The following ULK4 variants were observed in gnomAD, a reference collection of about 807,000 sequenced individuals.
ULK4 encodes unc-51 like kinase 4.
ULK4 carries 133 observed loss-of-function variants against 160.6 expected under a neutral mutation model. The ratio of observed to expected loss-of-function variants is 0.83; its 90% CI spans 0.72 to 0.96. The LOEUF is 0.96. Ranked by LOEUF, ULK4 falls within the 40% of genes least tolerant of loss-of-function variation. ULK4 has a pLI of 0.00. For missense variants in ULK4, 1,580 were observed against 1,499.5 expected, an observed-to-expected ratio of 1.05 and a Z score of -0.89; for synonymous variants, 534 against 539.8, an observed-to-expected ratio of 0.99 and a Z score of 0.15.
At chr3:41,873,276 T>G (rs1336040709) in intron 17 of ULK4, among the ~76,000 whole-genome samples, 2 of 150,570 alleles carry the variant, frequency 1.3e-5, no homozygotes, top group Admixed American at 6.6e-5. Flanking sequence ...AGGATAGCCT[T>G]CCAAGGCTCT....
chr3:41,692,167 C>G (rs1026349897), intron 27 of ULK4, among the ~76,000 whole-genome samples: 2 of 151,128 alleles, frequency 1.3e-5, no homozygotes, highest in African/African-American at 4.8e-5. Flanking sequence ...TAGCCAGGAT[C>G]GTCTCGATCT....
At chr3:41,461,924 G>T (rs2083694621) in intron 33 of ULK4, among the ~76,000 whole-genome samples, 1 of 152,122 alleles carries the variant, frequency 6.6e-6, no homozygotes, top group Admixed American at 6.6e-5. Flanking sequence ...GAATGGAGAG[G>T]AAAAGATAGG....
In ULK4 at chr3:41,473,661, C is replaced by CAAAAAAAAAAA. The variant is rs1294599838; in HGVS notation, c.3227-10409_3227-10408insTTTTTTTTTTT. Among the ~76,000 whole-genome samples, 66 of 25,278 alleles carry CAAAAAAAAAAA rather than the reference C, an allele frequency of 2.6e-3. 4 individuals are homozygous for CAAAAAAAAAAA. Among genetic ancestry groups the CAAAAAAAAAAA allele is most frequent in the African/African-American group, 9.8e-3 (54 of 5,500 alleles). 16.6% of individuals were successfully genotyped at this position (25,278 alleles called of 152,430 possible). ...TGGGCAACAGAATGAGATTCTGTCT[C>CAAAAAAAAAAA]AAAGAAAAAAAAAAAAAAAAAAAGA... On this transcript the variant is annotated intron_variant, in intron 32 of 36. Coordinates refer to ENST00000301831, the MANE Select transcript of ULK4 (RefSeq NM_017886.4).
intron 22 of ULK4, among the ~76,000 whole-genome samples, chr3:41,748,066 C>A (rs1197363523): frequency 6.6e-6 from 1 of 151,624 alleles, no homozygotes; most frequent in Non-Finnish European, 1.5e-5. Context: ...TATAATTGTA[C>A]ATTTTATTTT....
At chr3:41,299,921 ATTC>A (rs1179600786) in intron 35 of ULK4, among the ~76,000 whole-genome samples, 1 of 152,164 alleles carries the variant, frequency 6.6e-6, no homozygotes, top group African/African-American at 2.4e-5. Context: ...CATCTAACAT[ATTC>A]TATATTTTGG....
Position 41,316,141 on chromosome 3 carries a change from A to G in ULK4, c.3679-66567T>C, listed in dbSNP as rs544085966. ...AGCAAAAGGGGGAAAAGCCCAAATGACCATCAACTGATAAATGAATAAACA... is the reference window on the plus strand; with the variant it reads ...AGCAAAAGGGGGAAAAGCCCAAATGGCCATCAACTGATAAATGAATAAACA... On this transcript the variant is annotated intron_variant, in intron 35 of 36. Transcript: ENST00000301831. Among the ~76,000 whole-genome samples, 9 of 152,364 alleles carry G rather than the reference A, an allele frequency of 5.9e-5. No individual in the cohort carries two copies. The South Asian group carries it at 1.9e-3, about 32-fold the overall frequency.
chr3:41,252,534 A>G (rs2078761129), intron 35 of ULK4, among the ~76,000 whole-genome samples: 1 of 151,950 alleles, frequency 6.6e-6, no homozygotes, highest in African/African-American at 2.4e-5. Flanking sequence ...CAGAATGGAG[A>G]CAATAAAAGG....
intron 21 of ULK4, among the ~76,000 whole-genome samples, chr3:41,758,789 C>T (rs1575659672): frequency 6.6e-6 from 1 of 151,478 alleles, no homozygotes; most frequent in Admixed American, 6.6e-5. Flanking sequence ...AGGAGAATGG[C>T]GTGAACCCGG....
intron 35 of ULK4, among the ~76,000 whole-genome samples, chr3:41,392,610 G>A (rs755057113): frequency 2.0e-5 from 3 of 152,040 alleles, no homozygotes; most frequent in African/African-American, 7.2e-5. Flanking sequence ...ACCCAGGCTC[G>A]CTCAGCTTTG....
At chr3:41,810,988 A>G (rs1331902335) in intron 19 of ULK4, among the ~76,000 whole-genome samples, 1 of 151,956 alleles carries the variant, frequency 6.6e-6, no homozygotes, top group East Asian at 1.9e-4. Context: ...GGCTCAACCA[A>G]TCCTTCTGCC....
At chr3:41,296,159 A>G (rs2079663498) in intron 35 of ULK4, among the ~76,000 whole-genome samples, 1 of 152,238 alleles carries the variant, frequency 6.6e-6, no homozygotes, top group South Asian at 2.1e-4. Flanking sequence ...TGACAAATAT[A>G]CTGCCTGGTG....
intron 31 of ULK4, among the ~76,000 whole-genome samples, chr3:41,601,953 G>A (rs2032095317): frequency 6.6e-6 from 1 of 152,050 alleles, no homozygotes; most frequent in African/African-American, 2.4e-5. Context: ...TAGCACTTTG[G>A]GAGGCCAAGG....
intron 32 of ULK4, among the ~76,000 whole-genome samples, chr3:41,487,751 A>G (rs770237749): frequency 1.1e-4 from 16 of 152,256 alleles, no homozygotes; most frequent in Non-Finnish European, 1.8e-4. Context: ...ACCAGAAGGC[A>G]TAACAGAAAA....
intron 17 of ULK4, among the ~76,000 whole-genome samples, chr3:41,845,516 G>A (rs1404662590): frequency 6.6e-6 from 1 of 152,216 alleles, no homozygotes; most frequent in Non-Finnish European, 1.5e-5. Context: ...CGGGGGTGGA[G>A]GGCAGCACAC....
intron 17 of ULK4, among the ~76,000 whole-genome samples, chr3:41,879,240 T>C (rs1479864073): frequency 6.6e-6 from 1 of 152,026 alleles, no homozygotes; most frequent in East Asian, 1.9e-4. Flanking sequence ...GCTGAATGTA[T>C]TGGGTGTGAT....
In ULK4 at chr3:41,431,547, C is replaced by CATTTTTTTTTTTT. The variant is rs563543377; in HGVS notation, c.3492+23949_3492+23950insAAAAAAAAAAAAT. Among the ~76,000 whole-genome samples, 293 of 95,844 alleles carry CATTTTTTTTTTTT rather than the reference C, an allele frequency of 3.1e-3. 18 individuals carry two copies. Among genetic ancestry groups the CATTTTTTTTTTTT allele is most frequent in the African/African-American group, 0.012 (277 of 23,672 alleles). 62.9% of individuals were successfully genotyped at this position (95,844 alleles called of 152,430 possible). ...CCTGTGAGGTGTTGTAATTCCCTCC[C>CATTTTTTTTTTTT]TTTTTTTTTTTTTTTGATGTGGAAA... On this transcript the variant is annotated intron_variant, in intron 34 of 36. Coordinates refer to ENST00000301831, the MANE Select transcript of ULK4 (RefSeq NM_017886.4).
At chr3:41,261,267 A>G (rs2078935885) in intron 35 of ULK4, among the ~76,000 whole-genome samples, 1 of 152,240 alleles carries the variant, frequency 6.6e-6, no homozygotes, top group Non-Finnish European at 1.5e-5. Context: ...ATATTCAGGA[A>G]TAGAGTTAAC....
chr3:41,711,032 G>A (rs1001227422), intron 25 of ULK4, among the ~76,000 whole-genome samples: 3 of 152,084 alleles, frequency 2.0e-5, no homozygotes, highest in African/African-American at 7.3e-5. Context: ...GTTTGACCAT[G>A]GGAGCAGGCA....
At chr3:41,387,189 T>C (rs887238732) in intron 35 of ULK4, among the ~76,000 whole-genome samples, 17 of 152,150 alleles carry the variant, frequency 1.1e-4, no homozygotes, top group Non-Finnish European at 1.3e-4. Context: ...TCAGGGTAAT[T>C]AAGATATCTA....
Sources: allele counts gnomAD v4.1 joint callset (sites outside exome capture counted in the v4.1 genomes callset), GRCh38; gene constraint gnomAD v4.1.1; transcripts MANE v1.5; gene names NCBI Gene and HGNC (gene_info 2026-07-23, HGNC 2026-07-21).